Variants in SEMA3A observed in about 807,000 individuals in gnomAD.
SEMA3A encodes semaphorin-3A.
A neutral mutation model predicts 97.9 loss-of-function variants in SEMA3A; 29 were observed. The observed-to-expected ratio is 0.30, with a 90% CI of 0.22 to 0.40. SEMA3A has a LOEUF of 0.40. Among genes scored for constraint, SEMA3A ranks in the 10% least tolerant of loss-of-function variants. The pLI, the probability that SEMA3A is intolerant of heterozygous loss-of-function variation, is 1.00. For missense variants in SEMA3A, 763 were observed against 951.3 expected, an observed-to-expected ratio of 0.80 and a Z score of 2.60; for synonymous variants, 321 against 323.7, an observed-to-expected ratio of 0.99 and a Z score of 0.09.
At chr7:84,303,370 G>T (rs1055982585) in intron 3 of SEMA3A, among the ~76,000 whole-genome samples, 8 of 152,046 alleles carry the variant, frequency 5.3e-5, no homozygotes, top group Admixed American at 4.6e-4. Context: ...TAAAAAAAAT[G>T]TCTAGGAATT....
At chr7:84,087,372 G>A (rs1468847388) in intron 4 of SEMA3A, among the ~76,000 whole-genome samples, 2 of 152,196 alleles carry the variant, frequency 1.3e-5, no homozygotes, top group African/African-American at 2.4e-5. Context: ...TTGGCATAGT[G>A]TGTAGACATG....
At chr7:84,109,413 T>C (rs901829244) in intron 4 of SEMA3A, among the ~76,000 whole-genome samples, 1 of 152,158 alleles carries the variant, frequency 6.6e-6, no homozygotes, top group Admixed American at 6.5e-5. Context: ...TGGGAATGTG[T>C]CTTCCCTGGT....
intron 4 of SEMA3A, among the ~76,000 whole-genome samples, chr7:84,085,078 T>G (rs2115817516): frequency 6.6e-6 from 1 of 152,244 alleles, no homozygotes; most frequent in East Asian, 1.9e-4. Flanking sequence ...AGAATTTTTT[T>G]TTTCTTTATA....
chr7:83,964,866 CTG>C (rs1334080775), intron 15 of SEMA3A, among the ~76,000 whole-genome samples: 4 of 151,788 alleles, frequency 2.6e-5, no homozygotes, highest in Admixed American at 6.6e-5. Context: ...TTTTTCCCCT[CTG>C]AGATTATTAG....
chr7:84,377,027 A>G (rs1803122244), intron 1 of SEMA3A, among the ~76,000 whole-genome samples: 1 of 152,140 alleles, frequency 6.6e-6, no homozygotes. Flanking sequence ...GTTTGATATA[A>G]TCTTACATGA....
chr7:83,996,171 C>T (rs1289386398), intron 12 of SEMA3A, among the ~76,000 whole-genome samples: 1 of 152,006 alleles, frequency 6.6e-6, no homozygotes, highest in African/African-American at 2.4e-5. Flanking sequence ...TAAAAATCAG[C>T]ATAAGTTAGG....
chr7:84,418,946 C>T (rs556599164), intron 1 of SEMA3A, among the ~76,000 whole-genome samples: 25 of 149,086 alleles, frequency 1.7e-4, no homozygotes, highest in East Asian at 6.4e-4. Flanking sequence ...TATATCTACA[C>T]ATATATATAT....
chr7:84,281,205 T>C (rs551772887), intron 3 of SEMA3A, among the ~76,000 whole-genome samples: 17 of 152,300 alleles, frequency 1.1e-4, no homozygotes, highest in Admixed American at 9.8e-4. Context: ...AACCCATTTC[T>C]GATAGAAGAT....
At chr7:84,091,334 GAA>G (rs1562775032) in intron 4 of SEMA3A, among the ~76,000 whole-genome samples, 8 of 62,710 alleles carry the variant, frequency 1.3e-4, no homozygotes, top group East Asian at 4.1e-4. Context: ...GAGAGAGAGA[GAA>G]AGAGGAGGGA....
intron 1 of SEMA3A, among the ~76,000 whole-genome samples, chr7:84,461,408 T>C (rs1562955316): frequency 6.6e-6 from 1 of 152,088 alleles, no homozygotes; most frequent in Non-Finnish European, 1.5e-5. Flanking sequence ...AACACATTTT[T>C]GGTGGGTAAT....
intron 2 of SEMA3A, among the ~76,000 whole-genome samples, chr7:84,358,540 C>G (rs1197883326): frequency 6.6e-6 from 1 of 152,066 alleles, no homozygotes; most frequent in Non-Finnish European, 1.5e-5. Context: ...GTTACTGTAG[C>G]CTTGCAGTAT....
intron 1 of SEMA3A, among the ~76,000 whole-genome samples, chr7:84,385,113 TG>T (rs1803365564): frequency 6.7e-6 from 1 of 150,064 alleles, no homozygotes; most frequent in South Asian, 2.1e-4. Context: ...TCAATTAAAA[TG>T]GGGGAACAGA....
intron 2 of SEMA3A, among the ~76,000 whole-genome samples, chr7:84,337,080 C>A (rs1206214724): frequency 6.6e-6 from 1 of 152,032 alleles, no homozygotes; most frequent in Non-Finnish European, 1.5e-5. Flanking sequence ...ACTTAAACTC[C>A]TTAAGACTCA....
chr7:84,229,543 T>C (rs1364146054), intron 3 of SEMA3A, among the ~76,000 whole-genome samples: 1 of 152,148 alleles, frequency 6.6e-6, no homozygotes, highest in Non-Finnish European at 1.5e-5. Context: ...ATTTCTTAGT[T>C]TCTGGGGACT....
chr7:83,969,356 CA>C (rs5885387), intron 15 of SEMA3A, among the ~76,000 whole-genome samples: 21 of 151,818 alleles, frequency 1.4e-4, no homozygotes, highest in Non-Finnish European at 2.4e-4. Context: ...TCTATATTGC[CA>C]AAAAAAATCT....
chr7:84,120,166 A>T (rs191358712), intron 3 of SEMA3A, among the ~76,000 whole-genome samples: 1 of 152,222 alleles, frequency 6.6e-6, no homozygotes, highest in Non-Finnish European at 1.5e-5. Context: ...CCAAAAATGT[A>T]AGTTTATCTG....
chr7:84,424,232 G>C (rs1165607206), intron 1 of SEMA3A, among the ~76,000 whole-genome samples: 1 of 149,750 alleles, frequency 6.7e-6, no homozygotes, highest in African/African-American at 2.5e-5. Flanking sequence ...CAAAGATACA[G>C]GATGACCCTA....
intron 3 of SEMA3A, among the ~76,000 whole-genome samples, chr7:84,222,340 T>A (rs528444006): frequency 5.9e-5 from 9 of 152,036 alleles, no homozygotes; most frequent in African/African-American, 2.2e-4. Flanking sequence ...TAGTCACCAA[T>A]GATAAATACC....
At chr7:84,389,922 G>C (rs958174135) in intron 1 of SEMA3A, among the ~76,000 whole-genome samples, 1 of 151,978 alleles carries the variant, frequency 6.6e-6, no homozygotes, top group Non-Finnish European at 1.5e-5. Flanking sequence ...ATAAGTGATA[G>C]CCTGCAAAAT....
Sources: allele counts gnomAD v4.1 joint callset (sites outside exome capture counted in the v4.1 genomes callset), GRCh38; gene constraint gnomAD v4.1.1; transcripts MANE v1.5; gene names NCBI Gene and HGNC (gene_info 2026-07-23, HGNC 2026-07-21).